The following BEND5 variants were observed in gnomAD, a reference collection of about 807,000 sequenced individuals.
BEND5 encodes BEN domain containing 5, also known as BEN domain-containing protein 5.
Under a neutral mutation model 43.9 loss-of-function variants are expected in BEND5, and 22 were observed. That is an observed-to-expected ratio of 0.50 (90% CI 0.36 to 0.72). BEND5 has a LOEUF of 0.72. Among genes scored for constraint, BEND5 ranks in the 30% least tolerant of loss-of-function variants. The probability of loss-of-function intolerance (pLI) is 0.00; values close to 1 mark genes in which losing one functional copy is unlikely to be tolerated. For synonymous variants in BEND5, 228 were observed against 225.9 expected, an observed-to-expected ratio of 1.01 and a Z score of -0.08; for missense variants, 428 against 550.6, an observed-to-expected ratio of 0.78 and a Z score of 2.23.
chr1:48,752,760 T>C (rs1651942611), intron 3 of BEND5, among the ~76,000 whole-genome samples: 1 of 148,664 alleles, frequency 6.7e-6, no homozygotes, highest in Non-Finnish European at 1.5e-5. Context: ...CATTTACTCC[T>C]TTTTTTTTTG....
intron 5 of BEND5, among the ~76,000 whole-genome samples, chr1:48,730,629 T>C (rs1306950762): frequency 3.3e-5 from 5 of 152,170 alleles, no homozygotes; most frequent in Admixed American, 2.6e-4. Context: ...AGAATTTCAA[T>C]CATTCTCATT....
chr1:48,754,907 C>A (rs1046525158), intron 3 of BEND5, among the ~76,000 whole-genome samples: 6 of 152,166 alleles, frequency 3.9e-5, no homozygotes, highest in African/African-American at 9.7e-5. Context: ...GGTCAGAAGA[C>A]CCTTAGGAAT....
intron 3 of BEND5, among the ~76,000 whole-genome samples, chr1:48,754,862 G>A (rs936854689): frequency 1.3e-5 from 2 of 152,106 alleles, no homozygotes; most frequent in East Asian, 1.9e-4. Flanking sequence ...AAGGCCATAC[G>A]GGTGAGGGTC....
intron 4 of BEND5, among the ~76,000 whole-genome samples, chr1:48,737,835 TG>T (rs768821968): frequency 2.6e-5 from 4 of 152,192 alleles, no homozygotes; most frequent in Non-Finnish European, 5.9e-5. Context: ...GTCATGCTTC[TG>T]CTGAGTCTGT....
At chr1:48,737,687 T>C (rs910917569) in intron 4 of BEND5, among the ~76,000 whole-genome samples, 25 of 152,202 alleles carry the variant, frequency 1.6e-4, no homozygotes, top group African/African-American at 5.8e-4. Flanking sequence ...CAATAAGCTA[T>C]AAGATTTTAA....
chr1:48,747,198 T>C (rs951456331), intron 3 of BEND5, among the ~76,000 whole-genome samples: 3 of 152,206 alleles, frequency 2.0e-5, no homozygotes, highest in African/African-American at 7.2e-5. Context: ...CGCAGATATT[T>C]TAGGTAACAA....
chr1:48,737,441 C>G (rs535018141), intron 4 of BEND5, among the ~76,000 whole-genome samples: 1 of 152,184 alleles, frequency 6.6e-6, no homozygotes, highest in South Asian at 2.1e-4. Flanking sequence ...AGAGCAGCTG[C>G]CCTGCCAATT....
intron 4 of BEND5, among the ~76,000 whole-genome samples, chr1:48,737,050 G>A (rs1252892459): frequency 6.6e-6 from 1 of 152,192 alleles, no homozygotes; most frequent in Non-Finnish European, 1.5e-5. Flanking sequence ...TTGGGAGGCA[G>A]AGGTGGGCGG....
In BEND5 at chr1:48,736,159, T is replaced by C; in HGVS notation, c.1108+80A>G. 6.8e-7 allele frequency: 1 copy of C among 1,471,226 alleles called. No individual in the cohort carries two copies. Among genetic ancestry groups the C allele is most frequent in the Non-Finnish European group, 9.5e-7 (1 of 1,055,332 alleles). 91.1% of individuals were successfully genotyped at this position (1,471,226 alleles called of 1,614,324 possible). Reference sequence around the variant, plus strand: ...ATGCAGAAGCTTCATAAGTAATCGTTGAATTGAATTGTGCCTAACACATTC... The same window carrying C: ...ATGCAGAAGCTTCATAAGTAATCGTCGAATTGAATTGTGCCTAACACATTC... On this transcript the variant is annotated intron_variant, in intron 5 of 5. Transcript: ENST00000371833. This position sits in a 1 kb window ranked among gnomAD's most constrained non-coding sequence, Gnocchi z 4.0.
At chr1:48,772,568 G>A (rs2148697986) in intron 1 of BEND5, among the ~76,000 whole-genome samples, 1 of 152,280 alleles carries the variant, frequency 6.6e-6, no homozygotes, top group Admixed American at 6.5e-5. Context: ...GTAAGGTGGG[G>A]CTGGGATAGA....
intron 1 of BEND5, among the ~76,000 whole-genome samples, chr1:48,769,669 T>C (rs1003716914): frequency 6.6e-6 from 1 of 152,104 alleles, no homozygotes; most frequent in Non-Finnish European, 1.5e-5. Flanking sequence ...AAGTCACTGT[T>C]CTTCTCTCAG....
intron 3 of BEND5, among the ~76,000 whole-genome samples, chr1:48,753,622 A>G (rs1047083074): frequency 5.9e-5 from 9 of 152,212 alleles, no homozygotes; most frequent in Admixed American, 4.6e-4. Flanking sequence ...GCAGGCCACA[A>G]TGGCTTTCTC....
intron 1 of BEND5, among the ~76,000 whole-genome samples, chr1:48,765,998 T>C (rs912031385): frequency 6.6e-6 from 1 of 152,194 alleles, no homozygotes; most frequent in Non-Finnish European, 1.5e-5. Context: ...TAAGTAGTAG[T>C]GATGGTTACA....
chr1:48,762,255 A>G (rs1644299691), intron 1 of BEND5, among the ~76,000 whole-genome samples: 1 of 152,228 alleles, frequency 6.6e-6, no homozygotes, highest in African/African-American at 2.4e-5. Flanking sequence ...CTACACAAAT[A>G]TAAAAGGATA....
At chr1:48,762,706 G>C (rs1644340135) in intron 1 of BEND5, among the ~76,000 whole-genome samples, 1 of 151,314 alleles carries the variant, frequency 6.6e-6, no homozygotes, top group African/African-American at 2.4e-5. Context: ...TCCCAGGCCA[G>C]GCTTCTCTCC....
chr1:48,755,298 A>G (rs899669805), intron 3 of BEND5, among the ~76,000 whole-genome samples: 1 of 152,026 alleles, frequency 6.6e-6, no homozygotes, highest in Non-Finnish European at 1.5e-5. Context: ...GTAGGACCCC[A>G]CTACCTCGGT....
chr1:48,746,185 G>A (rs868137821), intron 3 of BEND5, among the ~76,000 whole-genome samples: 5 of 152,208 alleles, frequency 3.3e-5, no homozygotes, highest in South Asian at 2.1e-4. Flanking sequence ...ATATATATTC[G>A]TATATTTATA....
chr1:48,745,705 C>T (rs144845202), intron 3 of BEND5, among the ~76,000 whole-genome samples: 45 of 152,330 alleles, frequency 3.0e-4, no homozygotes, highest in African/African-American at 1.1e-3. Context: ...GCCCTATCCC[C>T]TCAAAGACTA....
At chr1:48,759,374 C>T in intron 2 of BEND5, 90 bp from the exon 3 acceptor site, 1 of 1,473,422 alleles carries the variant, frequency 6.8e-7, no homozygotes, top group Non-Finnish European at 9.0e-7. Flanking sequence ...ATCCTAAAAT[C>T]ACAGAATCAC....
Sources: gnomAD v4.1 joint callset for allele counts (sites outside exome capture counted in the v4.1 genomes callset) on GRCh38, gnomAD v4.1.1 for gene constraint, Gnocchi (gnomAD v3.1) non-coding constraint, MANE v1.5 for transcripts, NCBI Gene and HGNC (gene_info 2026-07-23, HGNC 2026-07-21) for gene names.